MALRD1: variants seen among roughly 807,000 people sequenced by gnomAD.
MALRD1 encodes the protein MAM and LDL-receptor class A domain-containing protein 1.
In MALRD1, 247 loss-of-function variants were observed where a neutral mutation model predicts 242.1. The ratio of observed to expected loss-of-function variants is 1.02; its 90% CI spans 0.92 to 1.13. MALRD1 has a LOEUF of 1.13. Among genes scored for constraint, MALRD1 ranks in the 50% most tolerant of loss-of-function variants. The probability of loss-of-function intolerance (pLI) is 0.00; values close to 1 mark genes in which losing one functional copy is unlikely to be tolerated. For synonymous variants in MALRD1, 995 were observed against 866.6 expected (o/e 1.15, Z -2.60); for missense variants, 2,989 against 2,533.1 (o/e 1.18, Z -3.86).
intron 26 of MALRD1, among the ~76,000 whole-genome samples, chr10:19,376,174 T>C (rs1845583624): frequency 6.6e-6 from 1 of 152,144 alleles, no homozygotes; most frequent in Non-Finnish European, 1.5e-5. Context: ...CTTCGAGCTC[T>C]GTTGATTTCA....
Position 19,456,402 on chromosome 10 carries a change from A to T in MALRD1, c.5029+5912A>T, listed in dbSNP as rs1348261645. ...TATGACTCCTGAGTGTCCTTTAAAC[A>T]GTGATTTTATCTGGAGTGAAAAATA... On this transcript the variant is annotated intron_variant, in intron 29 of 39. Transcript: ENST00000454679. Among the ~76,000 whole-genome samples, 16 of 152,286 alleles carry T rather than the reference A, an allele frequency of 1.1e-4. No homozygotes were observed. The East Asian group carries it at 2.9e-3, about 28-fold the overall frequency.
chr10:19,372,003 A>G (rs894678299), intron 26 of MALRD1, among the ~76,000 whole-genome samples: 2 of 152,196 alleles, frequency 1.3e-5, no homozygotes, highest in Non-Finnish European at 2.9e-5. Flanking sequence ...AAACTGAAGC[A>G]ATATATTCCA....
intron 21 of MALRD1, among the ~76,000 whole-genome samples, chr10:19,288,743 G>T (rs1363572422): frequency 6.6e-6 from 1 of 152,010 alleles, no homozygotes; most frequent in Non-Finnish European, 1.5e-5. Context: ...TGTTATTGCA[G>T]ATGCTCTTAT....
intron 21 of MALRD1, among the ~76,000 whole-genome samples, chr10:19,287,412 T>C (rs1841177806): frequency 6.6e-6 from 1 of 152,158 alleles, no homozygotes; most frequent in African/African-American, 2.4e-5. Flanking sequence ...GTTCCGACTG[T>C]GTATATTTAT....
At chr10:19,547,820 T>G (rs7898278) in intron 32 of MALRD1, among the ~76,000 whole-genome samples, 1 of 15,824 alleles carries the variant, frequency 6.3e-5, no homozygotes, top group Non-Finnish European at 1.4e-4. Context: ...ATATATATAT[T>G]TTTTTTTTTT....
chr10:19,395,356 G>T lies in MALRD1; in HGVS notation c.4845+5747G>T, dbSNP rs12573488. Reference sequence around the variant, plus strand: ...AGACATGAGACATCAATCAACATATGTAAGATAAACATTGGTTTGTTCCAG... The same window carrying T: ...AGACATGAGACATCAATCAACATATTTAAGATAAACATTGGTTTGTTCCAG... On this transcript the variant is annotated intron_variant, in intron 28 of 39. Coordinates refer to ENST00000454679, the MANE Select transcript of MALRD1 (RefSeq NM_001142308.3). Among the ~76,000 whole-genome samples the T allele has an allele frequency of 5.9e-5, 9 of 152,266 alleles. No individual in the cohort carries two copies. The East Asian group carries it at 1.7e-3, about 29-fold the overall frequency.
At chr10:19,095,775 AT>A (rs1836006382) in intron 4 of MALRD1, among the ~76,000 whole-genome samples, 1 of 152,142 alleles carries the variant, frequency 6.6e-6, no homozygotes, top group South Asian at 2.1e-4. Context: ...TGGAGAAGTT[AT>A]TTTATTTCTT....
chr10:19,130,234 T>A (rs1833048130), intron 8 of MALRD1, among the ~76,000 whole-genome samples: 1 of 152,098 alleles, frequency 6.6e-6, no homozygotes, highest in Non-Finnish European at 1.5e-5. Flanking sequence ...GGATCAATTT[T>A]ACCAAAAAGG....
chr10:19,549,736 C>G (rs1423976120), intron 32 of MALRD1, among the ~76,000 whole-genome samples: 1 of 152,136 alleles, frequency 6.6e-6, no homozygotes, highest in Non-Finnish European at 1.5e-5. Context: ...ACTGAACCTG[C>G]AATATCTTTG....
chr10:19,531,429 T>G, intron 32 of MALRD1, 78 bp downstream of exon 32: 1 of 1,366,054 alleles, frequency 7.3e-7, no homozygotes, highest in Admixed American at 2.6e-5. Flanking sequence ...TTGTCTTATT[T>G]GTATTTTTGT....
intron 36 of MALRD1, among the ~76,000 whole-genome samples, chr10:19,635,389 A>T (rs1050923871): frequency 1.3e-5 from 2 of 152,072 alleles, no homozygotes; most frequent in Non-Finnish European, 2.9e-5. Context: ...AATATAGTTC[A>T]TAAGAAACAA....
intron 28 of MALRD1, 54 bp from the exon 29 acceptor site, chr10:19,450,253 A>G (rs1835245488): frequency 1.4e-5 from 20 of 1,463,208 alleles, no homozygotes; most frequent in Admixed American, 4.4e-5. Context: ...CCCACACTGC[A>G]TCATCTTCTT....
intron 8 of MALRD1, 30 bp downstream of exon 8, chr10:19,128,417 T>G (rs1316585348): frequency 8.2e-7 from 1 of 1,223,108 alleles, no homozygotes; most frequent in Non-Finnish European, 1.0e-6. Flanking sequence ...TATTTCAAAT[T>G]CATTGAATCA....
chr10:19,655,666 A>G (rs899760453), intron 36 of MALRD1, among the ~76,000 whole-genome samples: 1 of 151,528 alleles, frequency 6.6e-6, no homozygotes, highest in Non-Finnish European at 1.5e-5. Flanking sequence ...CATTGTCGAA[A>G]AAAAATACCA....
chr10:19,165,984 A>C (rs1834671576), intron 13 of MALRD1, among the ~76,000 whole-genome samples, 174 bp downstream of exon 13: 1 of 152,190 alleles, frequency 6.6e-6, no homozygotes, highest in Non-Finnish European at 1.5e-5. Context: ...TAACAAAATA[A>C]CACCATAGCT....
At chr10:19,694,785 C>T (rs533548189) in intron 38 of MALRD1, among the ~76,000 whole-genome samples, 133 of 152,204 alleles carry the variant, frequency 8.7e-4, no homozygotes, top group Non-Finnish European at 1.2e-3. Context: ...ACGTTTATTG[C>T]GGCACTATTC....
At chr10:19,720,156 A>T (rs1834676056) in intron 38 of MALRD1, among the ~76,000 whole-genome samples, 1 of 152,146 alleles carries the variant, frequency 6.6e-6, no homozygotes, top group South Asian at 2.1e-4. Context: ...CTTTTTTATG[A>T]TAAACATGAA....
chr10:19,569,029 A>C (rs1468330242), intron 33 of MALRD1, among the ~76,000 whole-genome samples: 2 of 152,154 alleles, frequency 1.3e-5, no homozygotes, highest in Non-Finnish European at 2.9e-5. Context: ...ATTTACAATA[A>C]ATTATGATTT....
intron 1 of MALRD1, among the ~76,000 whole-genome samples, chr10:19,060,990 C>A (rs796356606): frequency 3.2e-4 from 49 of 152,254 alleles, no homozygotes; most frequent in African/African-American, 1.1e-3. Flanking sequence ...GAGCTGGAAG[C>A]CATTATCCTC....
Sources: allele counts gnomAD v4.1 joint callset (sites outside exome capture counted in the v4.1 genomes callset), GRCh38; gene constraint gnomAD v4.1.1; transcripts MANE v1.5; gene names NCBI Gene and HGNC (gene_info 2026-07-23, HGNC 2026-07-21).